The following PIGN variants were observed in gnomAD, a reference collection of about 807,000 sequenced individuals.
PIGN encodes the protein GPI ethanolamine phosphate transferase 1.
A neutral mutation model predicts 125.4 loss-of-function variants in PIGN; 117 were observed. The ratio of observed to expected loss-of-function variants is 0.93; its 90% confidence interval spans 0.80 to 1.09. The LOEUF is 1.09. Ranked by LOEUF, PIGN falls within the 50% of genes least tolerant of loss-of-function variation. The pLI is 0.00. For synonymous variants in PIGN, 392 were observed against 377.8 expected, an observed-to-expected ratio of 1.04 and a Z score of -0.44; for missense variants, 1,075 against 1,094.9, an observed-to-expected ratio of 0.98 and a Z score of 0.26.
At chr18:62,049,208 G>T (rs1353373983) in intron 30 of PIGN, among the ~76,000 whole-genome samples, 2 of 152,150 alleles carry the variant, frequency 1.3e-5, no homozygotes, top group Non-Finnish European at 2.9e-5. Flanking sequence ...AGTCCCTTGG[G>T]TATATACTCA....
chr18:62,090,425 G>T (rs1010212078), intron 24 of PIGN, 51 bp downstream of exon 24: 8 of 1,001,104 alleles, frequency 8.0e-6, no homozygotes, highest in Non-Finnish European at 1.2e-5. Flanking sequence ...TTCCTTATAG[G>T]ATAGAGACTA....
At chr18:62,159,098 G>C (rs1009301954) in intron 4 of PIGN, among the ~76,000 whole-genome samples, 9 of 152,130 alleles carry the variant, frequency 5.9e-5, no homozygotes, top group African/African-American at 2.2e-4. Flanking sequence ...ACAAAAATTA[G>C]CCGGGCGTGG....
chr18:62,084,101 T>C (rs138400635), intron 27 of PIGN, among the ~76,000 whole-genome samples: 20 of 152,292 alleles, frequency 1.3e-4, no homozygotes, highest in South Asian at 4.1e-4. Flanking sequence ...CCAGCTAATA[T>C]CTGGCACATT....
At chr18:62,171,062 T>C (rs912081828) in intron 1 of PIGN, among the ~76,000 whole-genome samples, 2 of 152,186 alleles carry the variant, frequency 1.3e-5, no homozygotes, top group Non-Finnish European at 2.9e-5. Flanking sequence ...CTGTTTGGAA[T>C]GGAGTTAAAT....
intron 10 of PIGN, 58 bp downstream of exon 10, chr18:62,145,851 A>G: frequency 1.2e-6 from 1 of 844,192 alleles, no homozygotes; most frequent in East Asian, 2.6e-5. Flanking sequence ...TTAAAAATTT[A>G]AACTTTGTTC....
chr18:62,021,752 C>T (rs116178332), intron 23 of PIGN, among the ~76,000 whole-genome samples: 3 of 152,286 alleles, frequency 2.0e-5, no homozygotes, highest in African/African-American at 7.2e-5. Context: ...TGTAAAACAA[C>T]ACCCGGTTAT....
At chr18:62,027,633 G>A in intron 23 of PIGN, among the ~76,000 whole-genome samples, 1 of 152,214 alleles carries the variant, frequency 6.6e-6, no homozygotes, top group East Asian at 1.9e-4. Flanking sequence ...ATTTATCTCA[G>A]TGAGCAGAGG....
intron 30 of PIGN, among the ~76,000 whole-genome samples, chr18:62,046,347 G>C (rs2030682457): frequency 6.6e-6 from 1 of 151,802 alleles, no homozygotes; most frequent in South Asian, 2.1e-4. Context: ...TGGCCTGTTA[G>C]GAACTGGCTG....
At chr18:62,164,423 C>T (rs1214304792) in intron 1 of PIGN, among the ~76,000 whole-genome samples, 1 of 152,078 alleles carries the variant, frequency 6.6e-6, no homozygotes, top group East Asian at 1.9e-4. Context: ...AGCATGACTG[C>T]GAGGCCTCAG....
chr18:62,068,746 T>C (rs1264507187), intron 30 of PIGN, among the ~76,000 whole-genome samples: 1 of 152,208 alleles, frequency 6.6e-6, no homozygotes, highest in East Asian at 1.9e-4. Context: ...TCCTGCCTTC[T>C]GGCCACTTCT....
intron 11 of PIGN, among the ~76,000 whole-genome samples, chr18:62,142,231 A>C (rs1599618507): frequency 6.6e-6 from 1 of 152,314 alleles, no homozygotes; most frequent in South Asian, 2.1e-4. Flanking sequence ...GTTGAAACAC[A>C]CCACAGACAC....
chr18:62,080,616 T>G (rs1231536323), intron 28 of PIGN, among the ~76,000 whole-genome samples: 1 of 152,164 alleles, frequency 6.6e-6, no homozygotes, highest in East Asian at 1.9e-4. Flanking sequence ...TTTTCCCTTG[T>G]TCCTGTCTGG....
intron 7 of PIGN, among the ~76,000 whole-genome samples, chr18:62,153,156 C>T (rs2036600726): frequency 6.6e-6 from 1 of 152,150 alleles, no homozygotes; most frequent in Non-Finnish European, 1.5e-5. Flanking sequence ...CATCCCTATC[C>T]ATTTCTTTGT....
At chr18:62,166,292 A>G (rs1442201743) in intron 1 of PIGN, among the ~76,000 whole-genome samples, 2 of 152,198 alleles carry the variant, frequency 1.3e-5, no homozygotes, top group Admixed American at 6.5e-5. Context: ...CTCATCTTTC[A>G]TGCCCCTTCT....
At position 62,048,801 on chromosome 18, in the gene PIGN, A is replaced by T. The variant is rs558832387; in HGVS notation, c.2673-2822T>A. On this transcript the variant is annotated intron_variant, in intron 30 of 30. Transcript: ENST00000640252. ...TGTGCCATGCTGGTGTGCTGCACCC[A>T]TTAACTCGTCATTTAGCATTAGGCA... Among the ~76,000 whole-genome samples the T allele has an allele frequency of 3.7e-4, 56 of 150,214 alleles. 1 individual carries two copies. In the South Asian group the frequency reaches 0.011, roughly 30 times the overall value.
At chr18:62,138,734 G>T (rs1045488102) in intron 13 of PIGN, among the ~76,000 whole-genome samples, 1 of 152,138 alleles carries the variant, frequency 6.6e-6, no homozygotes, top group Non-Finnish European at 1.5e-5. Flanking sequence ...GAATTGACTT[G>T]TAGTCTTTGT....
intron 15 of PIGN, among the ~76,000 whole-genome samples, chr18:62,113,747 C>A (rs1403287853): frequency 6.6e-6 from 1 of 151,996 alleles, no homozygotes; most frequent in Non-Finnish European, 1.5e-5. Flanking sequence ...AATAGCTTAT[C>A]ATTTTAAAAT....
At chr18:62,084,326 A>C (rs916151294) in intron 27 of PIGN, among the ~76,000 whole-genome samples, 2 of 152,038 alleles carry the variant, frequency 1.3e-5, no homozygotes, top group African/African-American at 4.8e-5. Flanking sequence ...TTGAATCCCT[A>C]CTCTTTTGAA....
chr18:62,178,991 C>T (rs1019125640), intron 1 of PIGN, among the ~76,000 whole-genome samples: 8 of 152,192 alleles, frequency 5.3e-5, no homozygotes, highest in Non-Finnish European at 8.8e-5. Context: ...GTGATAATTT[C>T]TCAGACTTTG....
Sources: allele counts gnomAD v4.1 joint callset (sites outside exome capture counted in the v4.1 genomes callset), GRCh38; gene constraint gnomAD v4.1.1; transcripts MANE v1.5; gene names NCBI Gene and HGNC (gene_info 2026-07-23, HGNC 2026-07-21).